ZNF324B: variants seen among roughly 807,000 people sequenced by gnomAD.
ZNF324B encodes the protein zinc finger protein 324B.
A neutral mutation model predicts 10.6 loss-of-function variants in ZNF324B; 7 were observed. The ratio of observed to expected loss-of-function variants is 0.66; its 90% CI spans 0.38 to 1.24. ZNF324B has a LOEUF of 1.24. ZNF324B is among the 50% of genes most tolerant of loss of function. ZNF324B has a pLI of 0.02. For synonymous variants in ZNF324B, 316 were observed against 321.0 expected (o/e 0.98, Z 0.17); for missense variants, 640 against 764.7 (o/e 0.84, Z 1.92).
At chr19:58,433,203 C>T in the ZNF324B span, 1 of 1,090,764 alleles carries the variant, frequency 9.2e-7, no homozygotes. Context: ...AGAGTAGCTT[C>T]TGAAGGCTTT....
At chr19:58,443,875 C>T in the ZNF324B span, 1 of 152,262 alleles carries the variant, frequency 6.6e-6, no homozygotes. Flanking sequence ...GGGTGGATCA[C>T]CTTGACGTGG....
chr19:58,432,285 C>T, the ZNF324B span: 1 of 517,840 alleles, frequency 1.9e-6, no homozygotes, highest in Non-Finnish European at 3.9e-6. Flanking sequence ...ATGTACATGA[C>T]ATTGCATTTA....
chr19:58,420,187 G>A, the ZNF324B span, among the ~76,000 whole-genome samples: 2 of 152,118 alleles, frequency 1.3e-5, no homozygotes, highest in African/African-American at 4.8e-5. Context: ...GGGAGGCCGA[G>A]GCAGGTGGAT....
the ZNF324B span, chr19:58,430,466 A>G: frequency 6.6e-6 from 1 of 152,374 alleles, no homozygotes; most frequent in East Asian, 1.9e-4. Context: ...GCCGCCTAAG[A>G]TTCTGGGAGC....
At chr19:58,436,782 A>T in the ZNF324B span, 1 of 571,220 alleles carries the variant, frequency 1.8e-6, no homozygotes, top group Non-Finnish European at 3.2e-6. Flanking sequence ...TCTCAGTGGG[A>T]TCTGTTAGGC....
At chr19:58,443,745 T>A in the ZNF324B span, 1 of 152,236 alleles carries the variant, frequency 6.6e-6, no homozygotes, top group Non-Finnish European at 1.5e-5. Context: ...CCCTTGTGAG[T>A]CCCAGTGGGC....
At chr19:58,429,221 C>A in the ZNF324B span, 1 of 152,216 alleles carries the variant, frequency 6.6e-6, no homozygotes, top group Non-Finnish European at 1.5e-5. Context: ...TGTTTCAAAC[C>A]ACCTCACCAA....
chr19:58,450,165 G>A (rs535203412), upstream of ZNF324B, among the ~76,000 whole-genome samples: 3 of 152,160 alleles, frequency 2.0e-5, no homozygotes, highest in East Asian at 5.8e-4. Flanking sequence ...ATTTGCTCTT[G>A]CCTGCTGCCA....
At position 58,455,877 on chromosome 19, in the gene ZNF324B, G is replaced by A. The variant is rs1277537116; in HGVS notation, c.933G>A (p.Thr311=). 1 of 1,608,202 alleles carries A rather than the reference G, an allele frequency of 6.2e-7. No homozygotes were observed. ...ACCAGCGCATCCACAGCGGCGAGAC[G>A]CCCTACGCGTGCCCCGTGTGCGGCA... is the stretch of plus-strand genomic sequence containing the variant. ...TQHQRIHSGE[T]PYACPVCGKA... is the part of the protein sequence containing the mutation. Residue 311 remains threonine (T), a synonymous_variant, in exon 4 of 4, where the codon ACG becomes ACA. Coordinates refer to ENST00000336614, the MANE Select transcript of ZNF324B (RefSeq NM_207395.3). This position sits in a 1 kb window ranked among gnomAD's most constrained non-coding sequence, Gnocchi z 7.0.
In ZNF324B at chr19:58,456,741, A is replaced by G; in HGVS notation, c.*162A>G. On this transcript the variant is annotated 3_prime_UTR_variant, in exon 4 of 4. Transcript: ENST00000336614. This position sits in a 1 kb window ranked among gnomAD's most constrained non-coding sequence, Gnocchi z 4.7. Reference sequence around the variant, plus strand: ...TGTGGTTCCATTTGCAGGTGGGGACAGGATTTGCCAGTTTAGTCATAGCTC... The same window carrying G: ...TGTGGTTCCATTTGCAGGTGGGGACGGGATTTGCCAGTTTAGTCATAGCTC... 1 of 859,910 alleles carries G rather than the reference A, an allele frequency of 1.2e-6. No homozygotes were observed. Among genetic ancestry groups the G allele is most frequent in the Non-Finnish European group, 1.7e-6 (1 of 572,794 alleles). 53.3% of individuals were successfully genotyped at this position (859,910 alleles called of 1,614,324 possible). A position where few individuals can be genotyped will look rare whatever the true frequency, so the allele number is the denominator to read the frequency against.
chr19:58,422,118 T>C, the ZNF324B span, among the ~76,000 whole-genome samples: 1 of 152,178 alleles, frequency 6.6e-6, no homozygotes, highest in African/African-American at 2.4e-5. Context: ...GGGTTTGCTA[T>C]GTTGGCTAGG....
In ZNF324B at chr19:58,456,773, C is replaced by T; in HGVS notation, c.*194C>T. On this transcript the variant is annotated 3_prime_UTR_variant, in exon 4 of 4. Coordinates refer to ENST00000336614, the MANE Select transcript of ZNF324B (RefSeq NM_207395.3). The surrounding 1 kb of genome is among the most constrained non-coding windows in gnomAD (Gnocchi z 4.7). ...GCCAGTTTAGTCATAGCTCACACCT[C>T]CATCCTCAAAGAGGTAACACTGCAG... is the stretch of plus-strand genomic sequence containing the variant. The T allele has an allele frequency of 1.5e-6, 1 of 654,276 alleles. No homozygotes were observed. Among genetic ancestry groups the T allele is most frequent in the South Asian group, 2.0e-5 (1 of 50,340 alleles). The allele number at this position is 654,276 out of a possible 1,614,324, so 40.5% of individuals were successfully genotyped here. A position where few individuals can be genotyped will look rare whatever the true frequency, so the allele number is the denominator to read the frequency against.
At chr19:58,433,849 T>G in the ZNF324B span, 1 of 1,614,178 alleles carries the variant, frequency 6.2e-7, no homozygotes, top group Non-Finnish European at 8.5e-7. Flanking sequence ...TCTCCAGTGC[T>G]GAATCAGGCT....
the ZNF324B span, chr19:58,437,078 C>T: frequency 3.1e-6 from 5 of 1,614,138 alleles, no homozygotes; most frequent in South Asian, 5.5e-5. Context: ...GGTTTTCCAG[C>T]ATCACACTGT....
chr19:58,424,964 G>C, the ZNF324B span, among the ~76,000 whole-genome samples: 5 of 152,102 alleles, frequency 3.3e-5, no homozygotes, highest in Non-Finnish European at 7.4e-5. Flanking sequence ...TCAAAAGTTA[G>C]AAACAATTTG....
the ZNF324B span, chr19:58,429,330 G>A: frequency 1.3e-5 from 2 of 152,210 alleles, no homozygotes; most frequent in African/African-American, 4.8e-5. Flanking sequence ...TCATTCCTAA[G>A]TGTCACATGT....
chr19:58,427,343 C>CTTTCTTTCTT, the ZNF324B span, among the ~76,000 whole-genome samples: 1 of 23,062 alleles, frequency 4.3e-5, no homozygotes, highest in Non-Finnish European at 8.8e-5. Flanking sequence ...TTCTTTCTTT[C>CTTTCTTTCTT]TCTTTCCTTT....
chr19:58,429,189 T>A, the ZNF324B span: 1 of 152,188 alleles, frequency 6.6e-6, no homozygotes, highest in Non-Finnish European at 1.5e-5. Flanking sequence ...ACAAAAGCTG[T>A]TCTTTTTATA....
chr19:58,454,443 TCCTA>T, intron 3 of ZNF324B, 99 bp downstream of exon 3: 1 of 779,330 alleles, frequency 1.3e-6, no homozygotes, highest in Non-Finnish European at 2.2e-6. Context: ...CTCTCCTGCC[TCCTA>T]CCTGACTCCC....
Sources: gnomAD v4.1 joint callset for allele counts (sites outside exome capture counted in the v4.1 genomes callset) on GRCh38, gnomAD v4.1.1 for gene constraint, Gnocchi (gnomAD v3.1) non-coding constraint, MANE v1.5 for transcripts, NCBI Gene and HGNC (gene_info 2026-07-23, HGNC 2026-07-21) for gene names.